The following FPGS variants were observed in gnomAD, a reference collection of about 807,000 sequenced individuals.
FPGS encodes folylpolyglutamate synthase, mitochondrial.
A neutral mutation model predicts 66.5 loss-of-function variants in FPGS; 53 were observed. The observed-to-expected ratio is 0.80, with a 90% confidence interval of 0.64 to 1.00. The LOEUF (loss-of-function observed/expected upper bound fraction) is 1.00, where lower values mean the gene tolerates loss of function less well. FPGS is among the 50% of genes least tolerant of loss of function. The probability of loss-of-function intolerance (pLI) is 0.00; values close to 1 mark genes in which losing one functional copy is unlikely to be tolerated. For missense variants in FPGS, 702 were observed against 807.7 expected (o/e 0.87, Z 1.59); for synonymous variants, 348 against 350.9 (o/e 0.99, Z 0.09).
rs146178543 is a variant in FPGS, at chr9:127,804,473, G to T, written c.268-26G>T. On this transcript the variant is annotated intron_variant, in intron 2 of 14. Coordinates refer to ENST00000373247, the MANE Select transcript of FPGS (RefSeq NM_004957.6). Reference sequence around the variant, plus strand: ...CCCATTTGTGATTCCCGTAGCTGAGGCAGGGACCTTGTCTGTCTGTCCCAG... The same window carrying T: ...CCCATTTGTGATTCCCGTAGCTGAGTCAGGGACCTTGTCTGTCTGTCCCAG... The T allele has an allele frequency of 8.9e-5, 143 of 1,614,026 alleles. 1 individual carries two copies. The Middle Eastern group carries it at 1.7e-3, about 19-fold the overall frequency.
chr9:127,807,366 C>T lies in FPGS; in HGVS notation c.580-55C>T. ...AGCAGGCCTGGGGGCTCCCTGCTTC[C>T]ATGCGGCCTCTGGGCACCCTCATAT... On this transcript the variant is annotated intron_variant, in intron 6 of 14. Coordinates refer to ENST00000373247, the MANE Select transcript of FPGS (RefSeq NM_004957.6). The surrounding 1 kb of genome is among the most constrained non-coding windows in gnomAD (Gnocchi z 5.8). 1 of 1,612,490 alleles carries T rather than the reference C, an allele frequency of 6.2e-7. No homozygotes were observed.
chr9:127,807,359 CTGCTTCCA>C lies in FPGS; in HGVS notation c.580-58_580-51del. ...GAACCTCAGCAGGCCTGGGGGCTCC[CTGCTTCCA>C]TGCGGCCTCTGGGCACCCTCATATC... On this transcript the variant is annotated intron_variant, in intron 6 of 14. Transcript: ENST00000373247. The surrounding 1 kb of genome is among the most constrained non-coding windows in gnomAD (Gnocchi z 5.8). 2 of 1,612,478 alleles carry C rather than the reference CTGCTTCCA, an allele frequency of 1.2e-6. No homozygotes were observed. The highest frequency in any genetic ancestry group is 1.7e-6 in the Non-Finnish European group (2 of 1,178,676).
rs941994071 is a variant in FPGS at position 127,802,889 on chromosome 9, G to A, written c.-36G>A. On this transcript the variant is annotated 5_prime_UTR_variant, in exon 1 of 15. Coordinates refer to ENST00000373247, the MANE Select transcript of FPGS (RefSeq NM_004957.6). ...CTGGGGGCGGGGCGGGGCGTCTCCC[G>A]CCCGGGCCTAGAGCGCTGCCGGGGG... The A allele has an allele frequency of 1.2e-5, 15 of 1,293,704 alleles. No individual in the cohort carries two copies. The African/African-American group carries it at 2.0e-4, about 18-fold the overall frequency. The allele number at this position is 1,293,704 out of a possible 1,614,324, so 80.1% of individuals were successfully genotyped here. A position where few individuals can be genotyped will look rare whatever the true frequency, so the allele number is the denominator to read the frequency against.
chr9:127,808,519 G>A, intron 9 of FPGS, 39 bp from the exon 10 acceptor site: 1 of 1,609,640 alleles, frequency 6.2e-7, no homozygotes, highest in Non-Finnish European at 8.5e-7. Context: ...CGTGGTCAGG[G>A]AGGGCCTCTG....
intron 12 of FPGS, 28 bp downstream of exon 12, chr9:127,809,862 G>A (rs769677488): frequency 2.8e-6 from 4 of 1,418,682 alleles, no homozygotes; most frequent in Non-Finnish European, 2.8e-6. Flanking sequence ...GGGTGGGGCC[G>A]GGGCTGGCCC....
chr9:127,803,017 C>A lies in FPGS; in HGVS notation c.93C>A (p.Gly31=). 1 of 1,465,306 alleles carries A rather than the reference C, an allele frequency of 6.8e-7. No individual in the cohort carries two copies. Among genetic ancestry groups the A allele is most frequent in the South Asian group, 1.3e-5 (1 of 75,598 alleles). 90.8% of individuals were successfully genotyped at this position (1,465,306 alleles called of 1,614,324 possible). ...GITTQVAARR[G]LSAWPVPQEP... is the part of the protein sequence containing the mutation. ...CGACCCAGGTCGCGGCGCGGCGGGG[C>A]TTGAGCGCGTGGCCGGTGCCGCAGG... The change falls in exon 1 of 15, where the codon GGC becomes GGA. Residue 31 remains glycine, a synonymous_variant. Coordinates refer to ENST00000373247, the MANE Select transcript of FPGS (RefSeq NM_004957.6).
At chr9:127,811,377 G>A (rs1300320409) in intron 14 of FPGS, among the ~76,000 whole-genome samples, 1 of 152,050 alleles carries the variant, frequency 6.6e-6, no homozygotes, top group Non-Finnish European at 1.5e-5. Context: ...AGCTACTCAG[G>A]AGGCTGAGGC....
Position 127,808,231 on chromosome 9 carries a change from C to T in FPGS, c.745-3C>T, listed in dbSNP as rs115912190. On this transcript the variant is annotated splice_region_variant and splice_polypyrimidine_tract_variant and intron_variant, in intron 8 of 14. Transcript: ENST00000373247. The stretch of plus-strand genomic sequence containing the variant: ...CCTTTCTCTCTCCTTCTTCCCTCCA[C>T]AGCAAGGTGTCCCTGCCTTCACTGT... The T allele has an allele frequency of 1.9e-6, 3 of 1,613,316 alleles. No individual in the cohort carries two copies. Among genetic ancestry groups the T allele is most frequent in the East Asian group, 2.2e-5 (1 of 44,874 alleles).
chr9:127,804,183 C>T (rs950437055), intron 1 of FPGS, 102 bp from the exon 2 acceptor site: 4 of 1,467,554 alleles, frequency 2.7e-6, no homozygotes, highest in East Asian at 2.3e-5. Context: ...GGGCCTGGTA[C>T]TGGCCTTGTT....
chr9:127,809,567 C>G, intron 11 of FPGS, 117 bp from the exon 12 acceptor site: 1 of 1,015,136 alleles, frequency 9.9e-7, no homozygotes, highest in South Asian at 1.9e-5. Flanking sequence ...CTGCCGGGGT[C>G]CTGAGTGTTG....
intron 9 of FPGS, 49 bp from the exon 10 acceptor site, chr9:127,808,509 C>CGTG: frequency 6.2e-7 from 1 of 1,605,620 alleles, no homozygotes; most frequent in South Asian, 1.1e-5. Flanking sequence ...CAAGGGCTGA[C>CGTG]GTGGTCAGGG....
Position 127,810,061 on chromosome 9 carries a change from T to A in FPGS, c.1242T>A (p.Asn414Lys), listed in dbSNP as rs1289166385. 1.9e-6 allele frequency: 3 copies of A among 1,610,720 alleles called. No homozygotes were observed. The highest frequency in any genetic ancestry group is 2.5e-6 in the Non-Finnish European group (3 of 1,178,796). ...CCGAGGTTCGAGTCTTGCTCTTCAA[T>A]GCTACCGGGGACCGGGACCCGGCGG... ...GGPEVRVLLFNATGDRDPAAL... is the reference protein window; with the variant it reads ...GGPEVRVLLFKATGDRDPAAL... Residue 414 changes from asparagine to lysine, a missense_variant, in exon 13 of 15, where the codon AAT becomes AAA. This residue lies in a region of FPGS where 351 missense variants were observed against 363.7 expected (regional missense o/e 0.97). Transcript: ENST00000373247.
At chr9:127,810,268 A>G (rs1830020160) in intron 13 of FPGS, among the ~76,000 whole-genome samples, 162 bp downstream of exon 13, 1 of 152,042 alleles carries the variant, frequency 6.6e-6, no homozygotes, top group Admixed American at 6.5e-5. Flanking sequence ...GGCCGTGGGG[A>G]GGCCAGTCAT....
intron 12 of FPGS, 65 bp from the exon 13 acceptor site, chr9:127,809,954 TCGTGGGCGGGGA>T (rs1829996208): frequency 1.5e-6 from 1 of 663,966 alleles, no homozygotes; most frequent in African/African-American, 2.7e-5. Context: ...AGGGGCGGGG[TCGTGGGCGGGGA>T]CGGGATTGGT....
At chr9:127,809,662 C>A in intron 11 of FPGS, 22 bp from the exon 12 acceptor site, 1 of 1,574,794 alleles carries the variant, frequency 6.4e-7, no homozygotes, top group South Asian at 1.1e-5. Flanking sequence ...GCCTGGAGGA[C>A]TGCCTTGCTG....
At chr9:127,808,965 T>G in intron 11 of FPGS, 76 bp downstream of exon 11, 1 of 1,143,372 alleles carries the variant, frequency 8.7e-7, no homozygotes, top group Non-Finnish European at 1.2e-6. Flanking sequence ...TTTTTTTTTT[T>G]TGGTTTTCTG....
Position 127,804,519 on chromosome 9 carries a change from G to T in FPGS, c.288G>T (p.Leu96=), listed in dbSNP as rs1829730820. Residue 96 remains leucine, a synonymous_variant, in exon 3 of 15, where the codon CTG becomes CTT. Coordinates refer to ENST00000373247, the MANE Select transcript of FPGS (RefSeq NM_004957.6). The stretch of plus-strand genomic sequence containing the variant: ...CCCAGGTGGAGGACTTGGACCGGCT[G>T]AACATCATCCACGTCACTGGGACGA... The part of the protein sequence containing the change: ...SGLQVEDLDR[L]NIIHVTGTKG... 3 of 1,614,198 alleles carry T rather than the reference G, an allele frequency of 1.9e-6. No individual in the cohort carries two copies.
chr9:127,809,396 T>C (rs1274857754), intron 11 of FPGS, among the ~76,000 whole-genome samples: 1 of 152,176 alleles, frequency 6.6e-6, no homozygotes, highest in Non-Finnish European at 1.5e-5. Context: ...GACAAGGTCC[T>C]GGAGACAAAC....
intron 1 of FPGS, chr9:127,803,480 G>A: frequency 2.2e-6 from 2 of 906,834 alleles, no homozygotes; most frequent in Non-Finnish European, 2.6e-6. Flanking sequence ...CCAGGATTCA[G>A]AAGATTGGGG....
Sources: gnomAD v4.1 joint callset for allele counts (sites outside exome capture counted in the v4.1 genomes callset) on GRCh38, gnomAD v4.1.1 for gene constraint, gnomAD v4.1.1 regional missense constraint, Gnocchi (gnomAD v3.1) non-coding constraint, MANE v1.5 for transcripts, NCBI Gene and HGNC (gene_info 2026-07-23, HGNC 2026-07-21) for gene names.